The following DIAPH2 variants were observed in gnomAD, a reference collection of about 807,000 sequenced individuals.
The protein encoded by DIAPH2 is diaphanous related formin 2, also known as protein diaphanous homolog 2.
A neutral mutation model predicts 92.7 loss-of-function variants in DIAPH2; 35 were observed. That is an observed-to-expected ratio of 0.38 (90% confidence interval 0.29 to 0.50). DIAPH2 has a LOEUF of 0.50. Among genes scored for constraint, DIAPH2 ranks in the 20% least tolerant of loss-of-function variants. The pLI, the probability that DIAPH2 is intolerant of heterozygous loss-of-function variation, is 0.94. For missense variants in DIAPH2, 701 were observed against 819.5 expected (o/e 0.86, Z 1.77); for synonymous variants, 301 against 280.4 (o/e 1.07, Z -0.73).
In DIAPH2 at chrX:97,008,965, G is replaced by A. The variant is rs757439476; in HGVS notation, c.2050+43758G>A. ...TTTGCTCAAGGCCCTAGGGTTCTACGGTTAGCATGTGCCAAAGCCAGCCAG... is the reference window on the plus strand; with the variant it reads ...TTTGCTCAAGGCCCTAGGGTTCTACAGTTAGCATGTGCCAAAGCCAGCCAG... On this transcript the variant is annotated intron_variant, in intron 17 of 26. Coordinates refer to ENST00000324765, the MANE Select transcript of DIAPH2 (RefSeq NM_006729.5). Among the ~76,000 whole-genome samples the A allele has an allele frequency of 8.1e-5, 9 of 111,257 alleles. No individual in the cohort carries two copies. In the East Asian group the frequency reaches 2.0e-3, roughly 25 times the overall value.
intron 22 of DIAPH2, among the ~76,000 whole-genome samples, chrX:97,179,422 C>G (rs921928985): frequency 9.1e-6 from 1 of 110,154 alleles, no homozygotes; most frequent in African/African-American, 3.3e-5. Flanking sequence ...CATGAGTTCT[C>G]ATTGTTCAGC....
chrX:97,554,717 T>A (rs186914522), intron 26 of DIAPH2, among the ~76,000 whole-genome samples: 1 of 112,019 alleles, frequency 8.9e-6, no homozygotes, highest in Admixed American at 9.5e-5. Context: ...ATTTGACCTC[T>A]CTGTGCCTCA....
intron 24 of DIAPH2, among the ~76,000 whole-genome samples, chrX:97,363,622 C>T (rs577499412): frequency 2.0e-5 from 2 of 99,341 alleles, no homozygotes; most frequent in Non-Finnish European, 4.0e-5. Context: ...GCCGATATCA[C>T]GCCACTGCAC....
intron 21 of DIAPH2, among the ~76,000 whole-genome samples, chrX:97,135,029 A>G (rs1238062758): frequency 8.9e-6 from 1 of 111,929 alleles, no homozygotes; most frequent in Non-Finnish European, 1.9e-5. Flanking sequence ...TTATTCATTC[A>G]ACATTTACTG....
At chrX:97,298,158 C>A (rs1202860680) in intron 23 of DIAPH2, among the ~76,000 whole-genome samples, 2 of 108,738 alleles carry the variant, frequency 1.8e-5, no homozygotes, top group African/African-American at 6.7e-5. Context: ...TTTCCTCATA[C>A]CCTGATACTA....
At chrX:96,962,366 C>CACATATATATAT (rs1569436545) in intron 16 of DIAPH2, among the ~76,000 whole-genome samples, 2 of 45,144 alleles carry the variant, frequency 4.4e-5, no homozygotes, top group African/African-American at 8.3e-5. Context: ...TATATATATA[C>CACATATATATAT]ACATATATAT....
intron 23 of DIAPH2, among the ~76,000 whole-genome samples, chrX:97,254,513 A>G (rs1225737966): frequency 9.5e-6 from 1 of 105,514 alleles, no homozygotes; most frequent in Non-Finnish European, 1.9e-5. Flanking sequence ...AAAAAAAAAA[A>G]AGGACTCAGA....
intron 23 of DIAPH2, among the ~76,000 whole-genome samples, chrX:97,314,418 A>C (rs1048539319): frequency 3.6e-5 from 4 of 110,775 alleles, no homozygotes; most frequent in Non-Finnish European, 7.5e-5. Context: ...GTCTCAAAAA[A>C]TAATAATAAT....
intron 23 of DIAPH2, among the ~76,000 whole-genome samples, chrX:97,341,850 C>T (rs2069116188): frequency 8.9e-6 from 1 of 111,964 alleles, no homozygotes; most frequent in Admixed American, 9.5e-5. Flanking sequence ...CTTCTTTACT[C>T]AGTCTACTGA....
intron 5 of DIAPH2, 29 bp from the exon 6 acceptor site, chrX:96,912,299 A>T (rs1490479553): frequency 1.6e-5 from 18 of 1,101,336 alleles, no homozygotes; most frequent in Non-Finnish European, 2.2e-5. Flanking sequence ...TAACTTACTT[A>T]TACATCTAAT....
intron 23 of DIAPH2, among the ~76,000 whole-genome samples, chrX:97,311,494 G>T (rs2068793445): frequency 9.0e-6 from 1 of 111,308 alleles, no homozygotes; most frequent in Non-Finnish European, 1.9e-5. Flanking sequence ...GTGGGGGGAA[G>T]CCTGTGAGCC....
intron 23 of DIAPH2, among the ~76,000 whole-genome samples, chrX:97,272,041 C>G (rs1274845680): frequency 2.7e-5 from 3 of 110,132 alleles, no homozygotes; most frequent in African/African-American, 9.9e-5. Context: ...TCTTGTTGCC[C>G]AGGCTGGAGT....
chrX:96,892,275 G>A (rs964710365), intron 5 of DIAPH2, among the ~76,000 whole-genome samples: 8 of 111,817 alleles, frequency 7.2e-5, no homozygotes, highest in Admixed American at 1.9e-4. Flanking sequence ...ATGTGAACAC[G>A]GCTTAAAATT....
At chrX:97,348,978 G>C (rs1351420126) in intron 24 of DIAPH2, among the ~76,000 whole-genome samples, 1 of 106,550 alleles carries the variant, frequency 9.4e-6, no homozygotes, top group Non-Finnish European at 1.9e-5. Flanking sequence ...TATCAAACAG[G>C]TAAAGGTGTG....
chrX:97,443,809 T>C (rs1260048458), intron 26 of DIAPH2, among the ~76,000 whole-genome samples: 1 of 112,180 alleles, frequency 8.9e-6, no homozygotes, highest in Non-Finnish European at 1.9e-5. Flanking sequence ...CCCTATGTCA[T>C]TCTCAACTCA....
At chrX:97,211,077 C>T (rs943591289) in intron 22 of DIAPH2, among the ~76,000 whole-genome samples, 1 of 111,609 alleles carries the variant, frequency 9.0e-6, no homozygotes, top group Non-Finnish European at 1.9e-5. Flanking sequence ...TAAAGTAGAT[C>T]AGCATAAAGA....
chrX:97,497,392 C>G lies in DIAPH2; in HGVS notation c.3241+67647C>G, dbSNP rs751542003. Among the ~76,000 whole-genome samples the G allele has an allele frequency of 2.7e-3, 296 of 110,702 alleles. 2 individuals carry two copies. The highest frequency in any genetic ancestry group is 9.4e-3 in the African/African-American group (285 of 30,481). ...TGTCTCTCAAGTTTTGAGATCACCC[C>G]TGTTAACCTCCTCTTCTCTTCCCTG... On this transcript the variant is annotated intron_variant, in intron 26 of 26. Coordinates refer to ENST00000324765, the MANE Select transcript of DIAPH2 (RefSeq NM_006729.5).
chrX:96,904,843 C>T (rs956547678), intron 5 of DIAPH2, among the ~76,000 whole-genome samples: 1 of 111,265 alleles, frequency 9.0e-6, no homozygotes, highest in African/African-American at 3.3e-5. Flanking sequence ...AAACCCACCA[C>T]TCAAGATAAC....
At chrX:96,702,410 C>T (rs1209208407) in intron 1 of DIAPH2, among the ~76,000 whole-genome samples, 1 of 112,155 alleles carries the variant, frequency 8.9e-6, no homozygotes, top group East Asian at 2.8e-4. Context: ...CCACTAGAAA[C>T]ATAGAGTTGG....
Sources: allele counts gnomAD v4.1 joint callset (sites outside exome capture counted in the v4.1 genomes callset), GRCh38; gene constraint gnomAD v4.1.1; transcripts MANE v1.5; gene names NCBI Gene and HGNC (gene_info 2026-07-23, HGNC 2026-07-21).